The following DGKI variants were observed in gnomAD, a reference collection of about 807,000 sequenced individuals.
DGKI encodes diacylglycerol kinase iota.
Under a neutral mutation model 147.5 loss-of-function variants are expected in DGKI, and 55 were observed. The ratio of observed to expected loss-of-function variants is 0.37; its 90% CI spans 0.30 to 0.47. DGKI has a LOEUF of 0.47. DGKI is among the 20% of genes least tolerant of loss of function. The pLI is 1.00. For synonymous variants in DGKI, 469 were observed against 477.1 expected (o/e 0.98, Z 0.22); for missense variants, 1,007 against 1,323.8 (o/e 0.76, Z 3.71).
In DGKI at chr7:137,798,065, T is replaced by C. The variant is rs372741680; in HGVS notation, c.401+48397A>G. Among the ~76,000 whole-genome samples, 75 of 152,234 alleles carry C rather than the reference T, an allele frequency of 4.9e-4. No homozygotes were observed. The East Asian group carries it at 0.011, about 23-fold the overall frequency. On this transcript the variant is annotated intron_variant, in intron 1 of 32. Transcript: ENST00000614521. ...AATATAAGGGAATACTATAAACAAC[T>C]ATATGCCAACTAATTAGATGACCTA...
At chr7:137,659,916 G>A (rs1822364907) in intron 3 of DGKI, among the ~76,000 whole-genome samples, 1 of 152,182 alleles carries the variant, frequency 6.6e-6, no homozygotes, top group South Asian at 2.1e-4. Flanking sequence ...CTGGGCGACA[G>A]AGCGAGACTC....
At chr7:137,397,791 G>A (rs1811606587) in intron 30 of DGKI, among the ~76,000 whole-genome samples, 1 of 152,122 alleles carries the variant, frequency 6.6e-6, no homozygotes, top group Admixed American at 6.5e-5. Context: ...GAGTTGCTTG[G>A]GATGGCGTCT....
chr7:137,435,985 G>A (rs1813265535), intron 28 of DGKI, among the ~76,000 whole-genome samples: 1 of 152,118 alleles, frequency 6.6e-6, no homozygotes, highest in South Asian at 2.1e-4. Flanking sequence ...TCACGATGTT[G>A]GCTAGGCTGG....
At chr7:137,632,587 G>GCA (rs1821159906) in intron 6 of DGKI, among the ~76,000 whole-genome samples, 2 of 152,092 alleles carry the variant, frequency 1.3e-5, no homozygotes, top group Non-Finnish European at 2.9e-5. Context: ...GGCCGGGCAT[G>GCA]GTGGCTCACA....
intron 1 of DGKI, among the ~76,000 whole-genome samples, chr7:137,812,370 A>G (rs1797617553): frequency 6.6e-6 from 1 of 152,202 alleles, no homozygotes; most frequent in Non-Finnish European, 1.5e-5. Context: ...CATCATCATC[A>G]TCTAGGTTCT....
chr7:137,668,840 T>C (rs1822738677), intron 3 of DGKI, among the ~76,000 whole-genome samples: 1 of 152,202 alleles, frequency 6.6e-6, no homozygotes, highest in Non-Finnish European at 1.5e-5. Flanking sequence ...TAGTAGGTGA[T>C]GCTAAGACTC....
At position 137,572,676 on chromosome 7, in the gene DGKI, T is replaced by C. The variant is rs1446397069; in HGVS notation, c.1835+89A>G. On this transcript the variant is annotated intron_variant, in intron 18 of 32. Coordinates refer to ENST00000614521, the MANE Select transcript of DGKI (RefSeq NM_001321708.2). ...CCATTTAGATAACTGATCTTCATTG[T>C]TTACATCTGAAACTTTTCTGTTATG... is the stretch of plus-strand genomic sequence containing the variant. 5 of 853,552 alleles carry C rather than the reference T, an allele frequency of 5.9e-6. No homozygotes were observed. In the Admixed American group the frequency reaches 1.2e-4, roughly 21 times the overall value. The allele number at this position is 853,552 out of a possible 1,614,324, so 52.9% of individuals were successfully genotyped here.
Position 137,819,351 on chromosome 7 carries a change from G to A in DGKI, c.401+27111C>T, listed in dbSNP as rs189884241. On this transcript the variant is annotated intron_variant, in intron 1 of 32. Coordinates refer to ENST00000614521, the MANE Select transcript of DGKI (RefSeq NM_001321708.2). ...TTTTGAGACAGAGTCTCGCTCTGTC[G>A]CCCAGGCTGGAGTGCAGTGGCGCCA... 1.3e-3 allele frequency among the ~76,000 whole-genome samples: 191 copies of A among 147,738 alleles called. 1 individual carries two copies. The highest frequency in any genetic ancestry group is 4.4e-3 in the African/African-American group (175 of 40,206).
chr7:137,830,253 C>T (rs1455319695), intron 1 of DGKI, among the ~76,000 whole-genome samples: 1 of 152,206 alleles, frequency 6.6e-6, no homozygotes. Flanking sequence ...CTATCCACAA[C>T]CAACAGCCAC....
intron 30 of DGKI, among the ~76,000 whole-genome samples, chr7:137,405,417 T>C (rs1411457270): frequency 6.6e-6 from 1 of 152,116 alleles, no homozygotes; most frequent in African/African-American, 2.4e-5. Context: ...TGTATTTTTA[T>C]TTGTGAAACT....
chr7:137,470,510 A>C (rs116820232), intron 23 of DGKI, among the ~76,000 whole-genome samples: 1,813 of 152,214 alleles, frequency 0.012, 30 homozygotes, highest in African/African-American at 0.041. Flanking sequence ...CTCTCTTCCA[A>C]AATAAATTAC....
At chr7:137,612,507 T>C (rs1241385917) in intron 8 of DGKI, among the ~76,000 whole-genome samples, 4 of 152,066 alleles carry the variant, frequency 2.6e-5, no homozygotes, top group East Asian at 1.9e-4. Context: ...ATCTCTATTT[T>C]GTATAAATAT....
At chr7:137,752,104 A>G (rs1049843720) in intron 1 of DGKI, among the ~76,000 whole-genome samples, 5 of 152,212 alleles carry the variant, frequency 3.3e-5, no homozygotes, top group Admixed American at 2.6e-4. Context: ...GCCTATTTCC[A>G]AAACTTATCC....
chr7:137,395,892 A>C (rs1044876037), intron 31 of DGKI, 195 bp from the exon 32 acceptor site: 2 of 548,864 alleles, frequency 3.6e-6, no homozygotes, highest in Non-Finnish European at 3.3e-6. Context: ...AACTGATCAT[A>C]ATATCTGACT....
At position 137,390,943 on chromosome 7, in the gene DGKI, G is replaced by C. The variant is rs1811337655; in HGVS notation, c.*277C>G. 1 of 441,994 alleles carries C rather than the reference G, an allele frequency of 2.3e-6. No individual in the cohort carries two copies. Among genetic ancestry groups the C allele is most frequent in the Non-Finnish European group, 4.1e-6 (1 of 244,990 alleles). The allele number at this position is 441,994 out of a possible 1,614,324, so 27.4% of individuals were successfully genotyped here. ...ATAAATTATACAGGTGAACACAGAAGTTCATGCTACTTGCTGGAAGCAATA... is the reference window on the plus strand; with the variant it reads ...ATAAATTATACAGGTGAACACAGAACTTCATGCTACTTGCTGGAAGCAATA... On this transcript the variant is annotated 3_prime_UTR_variant, in exon 33 of 33. Transcript: ENST00000614521.
Position 137,846,943 on chromosome 7 carries a change from GCCTCCCGCGC to G in DGKI, c.-91_-82del, listed in dbSNP as rs1485483577. 5.0e-6 allele frequency: 5 copies of G among 1,002,352 alleles called. No homozygotes were observed. The Admixed American group carries it at 1.7e-4, about 34-fold the overall frequency. The allele number at this position is 1,002,352 out of a possible 1,614,324, so 62.1% of individuals were successfully genotyped here. The stretch of plus-strand genomic sequence containing the variant: ...GGCCAATCAGAGGCCGCCGCTCCCC[GCCTCCCGCGC>G]CCTCCCGCGCCGGCCCGCACCCTCC... On this transcript the variant is annotated 5_prime_UTR_variant, in exon 1 of 33. Coordinates refer to ENST00000614521, the MANE Select transcript of DGKI (RefSeq NM_001321708.2). This position sits in a 1 kb window ranked among gnomAD's most constrained non-coding sequence, Gnocchi z 4.0.
intron 1 of DGKI, among the ~76,000 whole-genome samples, chr7:137,744,823 C>T (rs574645898): frequency 1.3e-5 from 2 of 152,256 alleles, no homozygotes; most frequent in East Asian, 3.9e-4. Context: ...GCAGAAAAAG[C>T]ATTCAATAAA....
intron 20 of DGKI, among the ~76,000 whole-genome samples, chr7:137,529,091 CAG>C (rs928547814): frequency 1.3e-5 from 2 of 152,072 alleles, no homozygotes; most frequent in Non-Finnish European, 2.9e-5. Context: ...TTGGCTGAAA[CAG>C]AAATTATTTT....
intron 3 of DGKI, among the ~76,000 whole-genome samples, chr7:137,673,538 A>G (rs1822926072): frequency 6.6e-6 from 1 of 152,226 alleles, no homozygotes; most frequent in Admixed American, 6.5e-5. Context: ...GCTGTGGTCT[A>G]TCTCAGTAGC....
Sources: allele counts gnomAD v4.1 joint callset (sites outside exome capture counted in the v4.1 genomes callset), GRCh38; gene constraint gnomAD v4.1.1; non-coding constraint Gnocchi (gnomAD v3.1); transcripts MANE v1.5; gene names NCBI Gene and HGNC (gene_info 2026-07-23, HGNC 2026-07-21).